The following SECISBP2L variants were observed in gnomAD, a reference collection of about 807,000 sequenced individuals.
The protein encoded by SECISBP2L is SECIS binding protein 2 like.
SECISBP2L carries 43 observed loss-of-function variants against 114.7 expected under a neutral mutation model. The observed-to-expected ratio is 0.38, with a 90% CI of 0.29 to 0.48. SECISBP2L has a LOEUF of 0.48. Ranked by LOEUF, SECISBP2L falls within the 20% of genes least tolerant of loss-of-function variation. SECISBP2L has a pLI of 0.98. For missense variants in SECISBP2L, 1,136 were observed against 1,301.1 expected (o/e 0.87, Z 1.95); for synonymous variants, 451 against 439.7 (o/e 1.03, Z -0.32).
intron 4 of SECISBP2L, among the ~76,000 whole-genome samples, chr15:49,030,005 T>A (rs976076834): frequency 6.6e-6 from 1 of 151,174 alleles, no homozygotes; most frequent in Non-Finnish European, 1.5e-5. Context: ...CTGAGTTGTA[T>A]TTCTTATTTA....
chr15:48,993,639 A>C (rs1050434031), intron 17 of SECISBP2L, among the ~76,000 whole-genome samples: 2 of 152,120 alleles, frequency 1.3e-5, no homozygotes, highest in Non-Finnish European at 2.9e-5. Flanking sequence ...AATTATAAGC[A>C]AAGAATCCAT....
chr15:49,031,669 GAC>G (rs1278155711), intron 4 of SECISBP2L, among the ~76,000 whole-genome samples: 4 of 152,046 alleles, frequency 2.6e-5, no homozygotes, highest in African/African-American at 7.2e-5. Flanking sequence ...TAAAAATACT[GAC>G]AGAATTAAAA....
intron 14 of SECISBP2L, among the ~76,000 whole-genome samples, chr15:49,006,714 G>A (rs1902331205): frequency 6.6e-6 from 1 of 151,892 alleles, no homozygotes; most frequent in South Asian, 2.1e-4. Context: ...TAGCTCGGAG[G>A]AGTTTGTTAA....
intron 14 of SECISBP2L, among the ~76,000 whole-genome samples, chr15:49,002,423 T>G (rs1902231639): frequency 6.6e-6 from 1 of 152,226 alleles, no homozygotes; most frequent in African/African-American, 2.4e-5. Flanking sequence ...TGACGATAGT[T>G]TCTTTTGCTG....
At chr15:49,002,387 C>T (rs1428911568) in intron 14 of SECISBP2L, among the ~76,000 whole-genome samples, 1 of 152,102 alleles carries the variant, frequency 6.6e-6, no homozygotes, top group African/African-American at 2.4e-5. Flanking sequence ...AAACTTTCTC[C>T]CATCGTATAG....
At chr15:49,028,033 G>A in intron 6 of SECISBP2L, 111 bp downstream of exon 6, 1 of 950,646 alleles carries the variant, frequency 1.1e-6, no homozygotes, top group Non-Finnish European at 1.6e-6. Flanking sequence ...TGAATCTCTG[G>A]AAGACTTCTA....
chr15:49,017,091 G>T (rs763529323), intron 9 of SECISBP2L, 76 bp from the exon 10 acceptor site: 1 of 1,458,878 alleles, frequency 6.9e-7, no homozygotes, highest in Non-Finnish European at 9.4e-7. Context: ...TCCAGAATGT[G>T]GGATGTTCTG....
rs2141082986 is a variant in SECISBP2L at position 49,033,098 on chromosome 15, T to C, written c.531A>G (p.Gln177=). 6.2e-7 allele frequency: 1 copy of C among 1,605,694 alleles called. No homozygotes were observed. Among genetic ancestry groups the C allele is most frequent in the East Asian group, 2.2e-5 (1 of 44,842 alleles). ...NSNRGSVVPK[Q]QLLQQHIKSK... ...TTTTTATGTGCTGTTGTAAAAGCTG[T>C]TGCTGATTTAAAAAAAAAACAAAAA... The change falls in exon 4 of 18, where the codon CAA becomes CAG. Residue 177 remains glutamine (Q), a splice_region_variant and synonymous_variant. Transcript: ENST00000559471.
In SECISBP2L at chr15:49,019,472, T is replaced by G; in HGVS notation, c.1116A>C (p.Leu372Phe). Residue 372 changes from leucine to phenylalanine, a missense_variant, in exon 8 of 18, where the codon TTA becomes TTC. By Grantham distance (22) the Leu-to-Phe change is conservative. Around this residue, in one of 2 missense-constraint regions of SECISBP2L, gnomAD observed 452 missense variants for 452.3 expected, o/e 1.00. Transcript: ENST00000559471. ...CGCTTCTATGGGATTGACTAGAGCT[T>G]AAATGCTTATTATCTGGTCTCTTTT... The part of the protein sequence containing the change: ...NLQKRPDNKH[L>F]SSSQSHRSDP... 1.3e-6 allele frequency: 2 copies of G among 1,510,840 alleles called. No individual in the cohort carries two copies. Among genetic ancestry groups the G allele is most frequent in the Non-Finnish European group, 1.8e-6 (2 of 1,136,872 alleles). 93.6% of individuals were successfully genotyped at this position (1,510,840 alleles called of 1,614,324 possible). A position where few individuals can be genotyped will look rare whatever the true frequency, so the allele number is the denominator to read the frequency against.
At position 49,028,506 on chromosome 15, in the gene SECISBP2L, T is replaced by G. The variant is rs1215873949; in HGVS notation, c.841A>C (p.Asn281His). Residue 281 changes from asparagine to histidine, a missense_variant, in exon 5 of 18, where the codon AAC becomes CAC. By Grantham distance (68) the Asn-to-His change is moderately conservative. Around this residue, in one of 2 missense-constraint regions of SECISBP2L, gnomAD observed 452 missense variants for 452.3 expected, o/e 1.00. Coordinates refer to ENST00000559471, the MANE Select transcript of SECISBP2L (RefSeq NM_001193489.2). ...AAAGCCCCTGCTGCAGGCTGGTTGT[T>G]GCTGTGTTTGGGACTGCAGTAACCA... ...DSGYCSPKHS[N>H]NQPAAGALRN... 1.9e-6 allele frequency: 3 copies of G among 1,614,034 alleles called. No homozygotes were observed. The East Asian group carries it at 6.7e-5, about 36-fold the overall frequency.
intron 2 of SECISBP2L, among the ~76,000 whole-genome samples, chr15:49,037,059 C>T (rs1368793675): frequency 6.6e-6 from 1 of 152,072 alleles, no homozygotes; most frequent in Non-Finnish European, 1.5e-5. Flanking sequence ...TCATAAGTAA[C>T]ACCCTAACCA....
intron 7 of SECISBP2L, among the ~76,000 whole-genome samples, chr15:49,023,356 T>C (rs902539782): frequency 6.6e-6 from 1 of 152,192 alleles, no homozygotes; most frequent in Admixed American, 6.5e-5. Context: ...CATGGAAGAA[T>C]GATCAACTAC....
chr15:49,028,711 C>T (rs1482237343), intron 4 of SECISBP2L, 29 bp from the exon 5 acceptor site: 10 of 1,537,674 alleles, frequency 6.5e-6, no homozygotes, highest in African/African-American at 1.4e-5. Context: ...TTTGACAATT[C>T]TTTGTGATGA....
intron 14 of SECISBP2L, among the ~76,000 whole-genome samples, chr15:49,001,456 A>G (rs1355544920): frequency 1.7e-5 from 2 of 120,000 alleles, no homozygotes; most frequent in African/African-American, 8.1e-5. Context: ...TCCACATCGT[A>G]TTCTTTTTTT....
intron 7 of SECISBP2L, among the ~76,000 whole-genome samples, chr15:49,021,065 A>C (rs1902632004): frequency 6.6e-6 from 1 of 151,926 alleles, no homozygotes; most frequent in African/African-American, 2.4e-5. Flanking sequence ...GGCCTTTGGG[A>C]GGTGATTAAG....
intron 7 of SECISBP2L, among the ~76,000 whole-genome samples, chr15:49,022,585 G>T (rs947846290): frequency 6.6e-6 from 1 of 151,914 alleles, no homozygotes; most frequent in African/African-American, 2.4e-5. Context: ...CTGGGCAACA[G>T]AGCAAGACTC....
intron 1 of SECISBP2L, among the ~76,000 whole-genome samples, chr15:49,045,623 T>G (rs774911936): frequency 2.0e-5 from 3 of 152,156 alleles, no homozygotes; most frequent in Non-Finnish European, 4.4e-5. Context: ...TAGGACTACT[T>G]TGCGAATATG....
At chr15:49,017,662 C>T in intron 8 of SECISBP2L, 34 bp from the exon 9 acceptor site, 2 of 1,472,368 alleles carry the variant, frequency 1.4e-6, no homozygotes, top group Non-Finnish European at 1.9e-6. Context: ...AAAAAGAGTT[C>T]AAGGCAAACT....
chr15:49,006,040 G>A (rs1207659897), intron 14 of SECISBP2L, among the ~76,000 whole-genome samples: 1 of 152,110 alleles, frequency 6.6e-6, no homozygotes, highest in African/African-American at 2.4e-5. Flanking sequence ...TTGAAATTCT[G>A]GATTGAAAAT....
Sources: allele counts gnomAD v4.1 joint callset (sites outside exome capture counted in the v4.1 genomes callset), GRCh38; gene constraint gnomAD v4.1.1; regional missense constraint gnomAD v4.1.1; transcripts MANE v1.5; gene names NCBI Gene and HGNC (gene_info 2026-07-23, HGNC 2026-07-21).